ZFP1: variants seen among roughly 807,000 people sequenced by gnomAD.
The protein encoded by ZFP1 is ZFP1 zinc finger protein.
Under a neutral mutation model 38.5 loss-of-function variants are expected in ZFP1, and 32 were observed. The ratio of observed to expected loss-of-function variants is 0.83; its 90% CI spans 0.63 to 1.12. The LOEUF is 1.12. Among genes scored for constraint, ZFP1 ranks in the 50% most tolerant of loss-of-function variants. The pLI, the probability that ZFP1 is intolerant of heterozygous loss-of-function variation, is 0.00. For missense variants in ZFP1, 616 were observed against 480.8 expected, an observed-to-expected ratio of 1.28 and a Z score of -2.63; for synonymous variants, 245 against 168.8, an observed-to-expected ratio of 1.45 and a Z score of -3.50.
Position 75,169,427 on chromosome 16 carries a change from A to G in ZFP1, c.317A>G (p.Tyr106Cys). ...TCTTTAAGACAAGTACCTTATAAAT[A>G]TGACTTATATGAAAAAACTTTGAAA... ...FVSLRQVPYK[Y>C]DLYEKTLKYN... The change falls in exon 4 of 4, where the codon TAT (tyrosine) becomes TGT (cysteine). Residue 106 changes from tyrosine (Y) to cysteine (C), a missense_variant. Physicochemically the swap from Tyr to Cys is radical, Grantham distance 194. Coordinates refer to ENST00000570010, the MANE Select transcript of ZFP1 (RefSeq NM_153688.4). 2 of 1,613,004 alleles carry G rather than the reference A, an allele frequency of 1.2e-6. No individual in the cohort carries two copies. The highest frequency in any genetic ancestry group is 8.5e-7 in the Non-Finnish European group (1 of 1,179,758).
At chr16:75,148,188 T>A (rs1263383252), upstream of ZFP1, among the ~76,000 whole-genome samples, 4 of 151,372 alleles carry the variant, frequency 2.6e-5, no homozygotes, top group Admixed American at 6.6e-5. Context: ...TTATGGATAC[T>A]TTATTTTGTA....
intron 1 of ZFP1, 92 bp downstream of exon 1, chr16:75,148,735 C>G (rs2037011007): frequency 6.6e-6 from 1 of 152,286 alleles, no homozygotes; most frequent in Non-Finnish European, 1.5e-5. Context: ...GGTGGGAGCC[C>G]AAACTTCGGC....
At chr16:75,121,383 C>G in the ZFP1 span, among the ~76,000 whole-genome samples, 1 of 152,192 alleles carries the variant, frequency 6.6e-6, no homozygotes, top group African/African-American at 2.4e-5. Flanking sequence ...CCTCGGCCCC[C>G]CAAAGTGTTG....
chr16:75,131,307 A>G, the ZFP1 span, among the ~76,000 whole-genome samples: 1 of 152,112 alleles, frequency 6.6e-6, no homozygotes. Flanking sequence ...GGAAGAGGAA[A>G]TTTGAGGATG....
chr16:75,134,278 T>G, the ZFP1 span, among the ~76,000 whole-genome samples: 2 of 152,192 alleles, frequency 1.3e-5, no homozygotes, highest in Admixed American at 1.3e-4. Context: ...TCAAAAAAAT[T>G]TTTTTAATTC....
At chr16:75,140,422 G>A in the ZFP1 span, among the ~76,000 whole-genome samples, 1 of 152,054 alleles carries the variant, frequency 6.6e-6, no homozygotes, top group African/African-American at 2.4e-5. Flanking sequence ...AAAAAAAATT[G>A]AAAAACAATG....
chr16:75,170,564 G>GTT lies in ZFP1; in HGVS notation c.*231_*232dup, dbSNP rs1179996397. On this transcript the variant is annotated 3_prime_UTR_variant, in exon 4 of 4. Coordinates refer to ENST00000570010, the MANE Select transcript of ZFP1 (RefSeq NM_153688.4). ...ATCCAGTTGTAAATAGCCATACCCA[G>GTT]TTGTACTACAATGAGCTTTTTAAAA... is the stretch of plus-strand genomic sequence containing the variant. The GTT allele has an allele frequency of 5.8e-6, 3 of 514,536 alleles. No homozygotes were observed. The highest frequency in any genetic ancestry group is 6.2e-6 in the Non-Finnish European group (2 of 324,716). 31.9% of individuals were successfully genotyped at this position (514,536 alleles called of 1,614,324 possible).
intron 2 of ZFP1, among the ~76,000 whole-genome samples, chr16:75,164,782 A>G (rs1004866566): frequency 1.3e-5 from 2 of 150,050 alleles, no homozygotes; most frequent in Admixed American, 6.8e-5. Flanking sequence ...AAATAAAAAT[A>G]TGAAACTCAG....
At chr16:75,166,151 A>G (rs1167142320) in intron 2 of ZFP1, among the ~76,000 whole-genome samples, 4 of 152,220 alleles carry the variant, frequency 2.6e-5, no homozygotes, top group Non-Finnish European at 4.4e-5. Context: ...TGTCACAGAA[A>G]TAATGCCTAT....
At position 75,169,298 on chromosome 16, in the gene ZFP1, C is replaced by A; in HGVS notation, c.188C>A (p.Pro63Gln). The change falls in exon 4 of 4, where the codon CCA becomes CAA. Residue 63 changes from proline to glutamine, a missense_variant. Pro to Gln is a moderately conservative substitution (Grantham distance 76, BLOSUM62 -1). Transcript: ENST00000570010. ...CAGATGGAGAGAGACCACAGAAACC[C>A]AGACGAGCAGGCGAGGCAATTTTTA... ...DDQMERDHRN[P>Q]DEQARQFLIL... is the part of the protein sequence containing the mutation. 1 of 1,613,838 alleles carries A rather than the reference C, an allele frequency of 6.2e-7. No homozygotes were observed. The highest frequency in any genetic ancestry group is 8.5e-7 in the Non-Finnish European group (1 of 1,179,932).
chr16:75,166,179 A>T (rs2038071091), intron 2 of ZFP1, among the ~76,000 whole-genome samples: 1 of 152,186 alleles, frequency 6.6e-6, no homozygotes, highest in African/African-American at 2.4e-5. Context: ...TTATTAGCAC[A>T]CTGGTAACAA....
chr16:75,135,396 C>G, the ZFP1 span, among the ~76,000 whole-genome samples: 1 of 152,112 alleles, frequency 6.6e-6, no homozygotes, highest in Non-Finnish European at 1.5e-5. Flanking sequence ...AGAAGTCAGT[C>G]TCAAAAGACT....
intron 2 of ZFP1, 44 bp from the exon 3 acceptor site, chr16:75,166,726 C>A: frequency 6.2e-7 from 1 of 1,613,608 alleles, no homozygotes; most frequent in Non-Finnish European, 8.5e-7. Flanking sequence ...CTTTCTATAT[C>A]ACCAAATGAT....
the ZFP1 span, among the ~76,000 whole-genome samples, chr16:75,137,755 C>A: frequency 6.6e-6 from 1 of 152,064 alleles, no homozygotes; most frequent in African/African-American, 2.4e-5. Flanking sequence ...CATGAGCCAA[C>A]ACGCCCGGCC....
At position 75,169,309 on chromosome 16, in the gene ZFP1, G is replaced by A; in HGVS notation, c.199G>A (p.Ala67Thr). 1.9e-6 allele frequency: 3 copies of A among 1,614,056 alleles called. No individual in the cohort carries two copies. The highest frequency in any genetic ancestry group is 2.5e-6 in the Non-Finnish European group (3 of 1,179,990). The change falls in exon 4 of 4, where the codon GCG (alanine) becomes ACG (threonine). Residue 67 changes from alanine (A) to threonine (T), a missense_variant. Physicochemically the swap from Ala to Thr is moderately conservative, Grantham distance 58 (BLOSUM62 0). Coordinates refer to ENST00000570010, the MANE Select transcript of ZFP1 (RefSeq NM_153688.4). The stretch of plus-strand genomic sequence containing the variant: ...AGACCACAGAAACCCAGACGAGCAG[G>A]CGAGGCAATTTTTAATTCTTAAGAA... ...ERDHRNPDEQ[A>T]RQFLILKNQT... is the part of the protein sequence containing the mutation.
chr16:75,121,991 C>T, the ZFP1 span, among the ~76,000 whole-genome samples: 1 of 152,112 alleles, frequency 6.6e-6, no homozygotes, highest in Non-Finnish European at 1.5e-5. Context: ...AAACTGTATA[C>T]CCAGCCCAAA....
the ZFP1 span, among the ~76,000 whole-genome samples, chr16:75,126,909 A>C: frequency 6.6e-6 from 1 of 152,220 alleles, no homozygotes; most frequent in Non-Finnish European, 1.5e-5. Flanking sequence ...TTATACAGGA[A>C]GCATTGTCAA....
At chr16:75,162,766 G>A (rs1347982796) in intron 2 of ZFP1, among the ~76,000 whole-genome samples, 1 of 152,004 alleles carries the variant, frequency 6.6e-6, no homozygotes, top group Admixed American at 6.6e-5. Context: ...TGCGCTATTT[G>A]GATTTCTGTT....
chr16:75,163,950 A>T (rs372739260), intron 2 of ZFP1, among the ~76,000 whole-genome samples: 2 of 152,232 alleles, frequency 1.3e-5, no homozygotes, highest in Non-Finnish European at 2.9e-5. Context: ...TTTCTTGACC[A>T]TTAAAGCCAG....
Sources: allele counts gnomAD v4.1 joint callset (sites outside exome capture counted in the v4.1 genomes callset), GRCh38; gene constraint gnomAD v4.1.1; transcripts MANE v1.5; gene names NCBI Gene and HGNC (gene_info 2026-07-23, HGNC 2026-07-21).